CREB5: variants seen among roughly 807,000 people sequenced by gnomAD.
CREB5 encodes the protein cyclic AMP-responsive element-binding protein 5.
CREB5 carries 19 observed loss-of-function variants against 57.1 expected under a neutral mutation model. The observed-to-expected ratio is 0.33, with a 90% CI of 0.23 to 0.49. The LOEUF (loss-of-function observed/expected upper bound fraction) is 0.49. Among genes scored for constraint, CREB5 ranks in the 20% least tolerant of loss-of-function variants. The probability of loss-of-function intolerance (pLI) is 0.99; values close to 1 mark genes in which losing one functional copy is unlikely to be tolerated. For missense variants in CREB5, 579 were observed against 671.6 expected, an observed-to-expected ratio of 0.86 and a Z score of 1.52; for synonymous variants, 238 against 238.3, an observed-to-expected ratio of 1.00 and a Z score of 0.01.
intron 5 of CREB5, among the ~76,000 whole-genome samples, chr7:28,630,204 G>A (rs765153102): frequency 3.9e-5 from 6 of 152,144 alleles, no homozygotes; most frequent in African/African-American, 7.2e-5. Context: ...ATTTGACTAA[G>A]CCCATCAATC....
chr7:28,350,562 A>G (rs535230965), intron 1 of CREB5, among the ~76,000 whole-genome samples: 1 of 150,856 alleles, frequency 6.6e-6, no homozygotes, highest in African/African-American at 2.4e-5. Context: ...GTTGAGATGG[A>G]AAAAAAAACA....
chr7:28,720,123 G>T (rs971921791), intron 6 of CREB5, among the ~76,000 whole-genome samples: 1 of 152,148 alleles, frequency 6.6e-6, no homozygotes, highest in African/African-American at 2.4e-5. Context: ...TTTTCCAGAA[G>T]AAATATTTCT....
chr7:28,720,331 C>T (rs1478371788), intron 6 of CREB5, among the ~76,000 whole-genome samples: 1 of 152,192 alleles, frequency 6.6e-6, no homozygotes, highest in Non-Finnish European at 1.5e-5. Flanking sequence ...ATTGTTATTT[C>T]ATTTTATTCT....
At chr7:28,306,165 T>C (rs1785177634) in intron 1 of CREB5, among the ~76,000 whole-genome samples, 1 of 152,202 alleles carries the variant, frequency 6.6e-6, no homozygotes. Context: ...ATTGTAACAC[T>C]TGCTGTTCAT....
chr7:28,315,142 T>C (rs896261023), intron 1 of CREB5, among the ~76,000 whole-genome samples: 1 of 152,158 alleles, frequency 6.6e-6, no homozygotes, highest in Non-Finnish European at 1.5e-5. Context: ...AATGGCTCAA[T>C]GTATATGTCA....
At position 28,778,279 on chromosome 7, in the gene CREB5, A is replaced by G. The variant is rs558728819; in HGVS notation, c.703-25920A>G. Among the ~76,000 whole-genome samples, 4 of 152,354 alleles carry G rather than the reference A, an allele frequency of 2.6e-5. No homozygotes were observed. In the East Asian group the frequency reaches 7.7e-4, roughly 29 times the overall value. ...TAAAAAGGTATGTAATGTTAAGCCT[A>G]CCAGTGACAAGGCATTAGCTTTTGA... is the stretch of plus-strand genomic sequence containing the variant. On this transcript the variant is annotated intron_variant, in intron 7 of 10. Transcript: ENST00000357727.
At chr7:28,506,171 T>C (rs938159019) in intron 3 of CREB5, among the ~76,000 whole-genome samples, 4 of 152,216 alleles carry the variant, frequency 2.6e-5, no homozygotes, top group African/African-American at 4.8e-5. Flanking sequence ...AAGGGCTGAT[T>C]CGGTGGGGGA....
rs1583514738 is a variant in CREB5, at chr7:28,670,999, T to C, written c.465-47754T>C. ...CAGAAAATATAACTGTGGCGGAGAG[T>C]GGTGACTTCATGCCTGTGCTTTGGG... On this transcript the variant is annotated intron_variant, in intron 5 of 10. Transcript: ENST00000357727. Among the ~76,000 whole-genome samples the C allele has an allele frequency of 2.0e-5, 3 of 151,914 alleles. 1 individual carries two copies.
chr7:28,401,380 A>G (rs1410467222), intron 1 of CREB5, among the ~76,000 whole-genome samples: 1 of 147,588 alleles, frequency 6.8e-6, no homozygotes, highest in African/African-American at 2.6e-5. Flanking sequence ...CTAGCTGTCT[A>G]TTGTTATTTT....
chr7:28,730,190 C>A (rs58217006), intron 7 of CREB5, among the ~76,000 whole-genome samples: 1 of 151,910 alleles, frequency 6.6e-6, no homozygotes, highest in African/African-American at 2.4e-5. Flanking sequence ...TTTTTTCTTT[C>A]TTTTTTTGTT....
chr7:28,550,860 T>G (rs1200226346), intron 4 of CREB5, among the ~76,000 whole-genome samples: 1 of 152,166 alleles, frequency 6.6e-6, no homozygotes, highest in East Asian at 1.9e-4. Context: ...CGTTAAGATT[T>G]TATAATCTAA....
At chr7:28,397,630 C>T (rs1382680654) in intron 1 of CREB5, among the ~76,000 whole-genome samples, 3 of 152,170 alleles carry the variant, frequency 2.0e-5, no homozygotes, top group Non-Finnish European at 4.4e-5. Flanking sequence ...ATAAGCAAAA[C>T]TGAAATTGGT....
intron 1 of CREB5, among the ~76,000 whole-genome samples, chr7:28,427,873 T>A (rs1280711619): frequency 6.6e-6 from 1 of 152,200 alleles, no homozygotes; most frequent in Non-Finnish European, 1.5e-5. Flanking sequence ...TAAAGGTGGA[T>A]CTTTGCTCTT....
Position 28,693,226 on chromosome 7 carries a change from G to GC in CREB5, c.465-25522dup, listed in dbSNP as rs201991809. Among the ~76,000 whole-genome samples, 1,101 of 152,190 alleles carry GC rather than the reference G, an allele frequency of 7.2e-3. 13 individuals carry two copies. The highest frequency in any genetic ancestry group is 0.025 in the African/African-American group (1,020 of 41,528). On this transcript the variant is annotated intron_variant, in intron 5 of 10. Transcript: ENST00000357727. ...AAAGCCTAGAAAAAGCAATCATATG[G>GC]CCCCCAGTGAATGTCAAGGTATCTA...
rs144330823 is a variant in CREB5 at position 28,373,503 on chromosome 7, C to T, written c.-25+74062C>T. On this transcript the variant is annotated intron_variant, in intron 1 of 9. Transcript: ENST00000396299. ...TTGCCCAGGCTGAAGTGCAGTAGCG[C>T]GACCTTGGCTCACTGCAACCTCTGC... is the stretch of plus-strand genomic sequence containing the variant. Among the ~76,000 whole-genome samples the T allele has an allele frequency of 1.5e-4, 23 of 150,104 alleles. No homozygotes were observed. The East Asian group carries it at 3.5e-3, about 23-fold the overall frequency.
In CREB5 at chr7:28,323,983, A is replaced by G. The variant is rs185079458; in HGVS notation, c.-25+24542A>G. ...AGTTCACAACAGGGTTCATGCTCCT[A>G]TGAGAATCCAATGCCCGTGCTGATC... On this transcript the variant is annotated intron_variant, in intron 1 of 9. Transcript: ENST00000396299. Among the ~76,000 whole-genome samples, 24 of 152,214 alleles carry G rather than the reference A, an allele frequency of 1.6e-4. No individual in the cohort carries two copies. The South Asian group carries it at 1.9e-3, about 12-fold the overall frequency.
intron 2 of CREB5, among the ~76,000 whole-genome samples, chr7:28,491,748 T>G (rs2391668): frequency 0.75 from 113,645 of 152,128 alleles, 43,092 homozygotes; most frequent in African/African-American, 0.84. Flanking sequence ...GTCTCCTGGG[T>G]TATTAGAAAC....
rs1485625682 is a variant in CREB5, at chr7:28,821,890, A to C, written c.*2611A>C. Reference sequence around the variant, plus strand: ...GCATGCATAGCACTTAATAAAATGGATTTTTAAAAAATCCACTAGTAATAT... The same window carrying C: ...GCATGCATAGCACTTAATAAAATGGCTTTTTAAAAAATCCACTAGTAATAT... On this transcript the variant is annotated 3_prime_UTR_variant, in exon 11 of 11. Coordinates refer to ENST00000357727, the MANE Select transcript of CREB5 (RefSeq NM_182898.4). 3.9e-5 allele frequency: 6 copies of C among 152,770 alleles called. No homozygotes were observed. Among genetic ancestry groups the C allele is most frequent in the African/African-American group, 1.4e-4 (6 of 41,566 alleles). 9.5% of individuals were successfully genotyped at this position (152,770 alleles called of 1,614,324 possible).
chr7:28,551,899 C>T (rs1403289059), intron 4 of CREB5, among the ~76,000 whole-genome samples: 1 of 120,254 alleles, frequency 8.3e-6, no homozygotes, highest in Non-Finnish European at 1.9e-5. Flanking sequence ...TTCTTTCTTT[C>T]TCTTTTCTTT....
Sources: allele counts gnomAD v4.1 joint callset (sites outside exome capture counted in the v4.1 genomes callset), GRCh38; gene constraint gnomAD v4.1.1; transcripts MANE v1.5; gene names NCBI Gene and HGNC (gene_info 2026-07-23, HGNC 2026-07-21).